Variants in OTOGL observed in about 807,000 individuals in gnomAD.
OTOGL encodes the protein otogelin-like protein.
A neutral mutation model predicts 318.5 loss-of-function variants in OTOGL; 285 were observed. The observed-to-expected ratio is 0.89, with a 90% CI of 0.81 to 0.99. The LOEUF (loss-of-function observed/expected upper bound fraction) is 0.99, where lower values mean the gene tolerates loss of function less well. OTOGL is among the 50% of genes least tolerant of loss of function. The pLI, the probability that OTOGL is intolerant of heterozygous loss-of-function variation, is 0.00. For synonymous variants in OTOGL, 987 were observed against 936.5 expected, an observed-to-expected ratio of 1.05 and a Z score of -0.99; for missense variants, 2,899 against 2,845.6, an observed-to-expected ratio of 1.02 and a Z score of -0.43.
intron 1 of OTOGL, among the ~76,000 whole-genome samples, chr12:80,124,513 T>C (rs1469446881): frequency 1.3e-5 from 2 of 152,088 alleles, no homozygotes; most frequent in Non-Finnish European, 2.9e-5. Context: ...ATTGACTTGG[T>C]GATGTGGGCT....
chr12:80,208,374 A>G, intron 1 of OTOGL: 1 of 381,784 alleles, frequency 2.6e-6, no homozygotes, highest in South Asian at 2.0e-5. Flanking sequence ...TCTGGGTACA[A>G]CAGGATATTA....
intron 1 of OTOGL, among the ~76,000 whole-genome samples, chr12:80,164,752 C>G (rs542112326): frequency 6.6e-6 from 1 of 152,218 alleles, no homozygotes; most frequent in South Asian, 2.1e-4. Flanking sequence ...ATGGCAGCGT[C>G]TTTGATCTGT....
At chr12:80,187,985 C>G (rs575158226) in intron 1 of OTOGL, among the ~76,000 whole-genome samples, 4 of 152,270 alleles carry the variant, frequency 2.6e-5, no homozygotes, top group Non-Finnish European at 5.9e-5. Flanking sequence ...CTGCCATGTG[C>G]TCTAAATTGG....
chr12:80,354,194 C>A (rs1287758841), intron 46 of OTOGL, among the ~76,000 whole-genome samples: 1 of 152,132 alleles, frequency 6.6e-6, no homozygotes, highest in Non-Finnish European at 1.5e-5. Context: ...TGGAATCTTT[C>A]CCTAAAGTAC....
intron 1 of OTOGL, among the ~76,000 whole-genome samples, chr12:80,160,846 A>G (rs151070098): frequency 1.9e-3 from 293 of 152,200 alleles, no homozygotes; most frequent in Admixed American, 3.9e-3. Context: ...ATGCCCATCA[A>G]TCAACTAGTG....
At chr12:80,103,647 G>A (rs1869278663) in intron 1 of OTOGL, among the ~76,000 whole-genome samples, 1 of 152,206 alleles carries the variant, frequency 6.6e-6, no homozygotes. Flanking sequence ...TGTCACTGCT[G>A]TATACGTACC....
intron 29 of OTOGL, among the ~76,000 whole-genome samples, chr12:80,308,905 G>T (rs925307606): frequency 6.6e-6 from 1 of 152,086 alleles, no homozygotes; most frequent in Admixed American, 6.5e-5. Flanking sequence ...GCAGTGAGCC[G>T]AGATGGCAGC....
At chr12:80,204,559 G>T (rs891415011) in intron 1 of OTOGL, among the ~76,000 whole-genome samples, 5 of 152,174 alleles carry the variant, frequency 3.3e-5, no homozygotes, top group South Asian at 2.1e-4. Flanking sequence ...AAGTAAGAAA[G>T]AAAATATATA....
Position 80,264,992 on chromosome 12 carries a change from CTTTG to C in OTOGL, c.2015-6_2015-3del. The stretch of plus-strand genomic sequence containing the variant: ...TGTTAAATAAGATGCTAATTGGGCT[CTTTG>C]TTAGTTGGGTATGCAGCACACTGTG... On this transcript the variant is annotated splice_polypyrimidine_tract_variant and splice_region_variant and intron_variant, in intron 19 of 58. Transcript: ENST00000547103. The C allele has an allele frequency of 6.2e-7, 1 of 1,613,406 alleles. No homozygotes were observed. Among genetic ancestry groups the C allele is most frequent in the Non-Finnish European group, 8.5e-7 (1 of 1,179,494 alleles).
chr12:80,326,093 T>C (rs1397187738), intron 35 of OTOGL, among the ~76,000 whole-genome samples: 1 of 152,174 alleles, frequency 6.6e-6, no homozygotes, highest in African/African-American at 2.4e-5. Context: ...TGGCTAATTA[T>C]TGCTCCTTAT....
intron 11 of OTOGL, among the ~76,000 whole-genome samples, chr12:80,243,997 CCTT>C (rs919626566): frequency 2.0e-5 from 3 of 150,852 alleles, no homozygotes; most frequent in African/African-American, 7.3e-5. Flanking sequence ...AGAAATCCTC[CCTT>C]CTTCATCATG....
At chr12:80,217,085 G>A (rs1210874594) in intron 4 of OTOGL, among the ~76,000 whole-genome samples, 1 of 152,198 alleles carries the variant, frequency 6.6e-6, no homozygotes, top group Admixed American at 6.5e-5. Context: ...TTTCTTTACC[G>A]ATTGGTGTGC....
At chr12:80,218,489 G>A (rs1019912986) in intron 5 of OTOGL, among the ~76,000 whole-genome samples, 3 of 152,160 alleles carry the variant, frequency 2.0e-5, no homozygotes, top group Non-Finnish European at 4.4e-5. Context: ...GAATTAAGAT[G>A]TTCTGTGGTT....
chr12:80,301,633 A>T (rs549900217), intron 27 of OTOGL, among the ~76,000 whole-genome samples: 1 of 152,136 alleles, frequency 6.6e-6, no homozygotes, highest in African/African-American at 2.4e-5. Flanking sequence ...CCCAAACCCT[A>T]TACCTTGCTG....
chr12:80,313,050 C>G (rs1886737578), intron 30 of OTOGL, among the ~76,000 whole-genome samples: 1 of 152,006 alleles, frequency 6.6e-6, no homozygotes, highest in South Asian at 2.1e-4. Context: ...TTAAAGATTG[C>G]TATTACCATT....
rs1369339887 is a variant in OTOGL, at chr12:80,232,998, G to A, written c.718G>A (p.Gly240Arg). The part of the protein sequence containing the change: ...GFSLAWDGIS[G>R]IYLKLSEDHK... ...TTCATTGGCTTGGGACGGGATATCT[G>A]GGATCTACCTCAAGCTGTCTGAGGA... Residue 240 changes from glycine to arginine, a missense_variant, in exon 9 of 59, where the codon GGG becomes AGG. Physicochemically the swap from Gly to Arg is moderately radical, Grantham distance 125 (BLOSUM62 -2). Coordinates refer to ENST00000547103, the MANE Select transcript of OTOGL (RefSeq NM_001378609.3). The A allele has an allele frequency of 6.3e-7, 1 of 1,598,588 alleles. No homozygotes were observed. Among genetic ancestry groups the A allele is most frequent in the Non-Finnish European group, 8.5e-7 (1 of 1,179,026 alleles).
chr12:80,320,703 A>G lies in OTOGL; in HGVS notation c.4081+3A>G, dbSNP rs545109575. On this transcript the variant is annotated splice_donor_region_variant and intron_variant, in intron 34 of 58. Transcript: ENST00000547103. ...TTCAAGTAGCTTCAGCATAGAAGGT[A>G]TGTTTCCTGAGATCTCCAAAAAGAG... 19 of 1,587,778 alleles carry G rather than the reference A, an allele frequency of 1.2e-5. No homozygotes were observed. In the Admixed American group the frequency reaches 1.4e-4, roughly 12 times the overall value.
At chr12:80,129,453 A>G (rs995003352) in intron 1 of OTOGL, among the ~76,000 whole-genome samples, 2 of 152,224 alleles carry the variant, frequency 1.3e-5, no homozygotes, top group African/African-American at 4.8e-5. Context: ...GTGTTAACAG[A>G]AGGAAATTGT....
At chr12:80,328,158 A>C (rs969361152) in intron 35 of OTOGL, among the ~76,000 whole-genome samples, 9 of 151,774 alleles carry the variant, frequency 5.9e-5, no homozygotes, top group African/African-American at 2.2e-4. Context: ...CTCTACAAAA[A>C]AATAGAAAAA....
Sources: allele counts gnomAD v4.1 joint callset (sites outside exome capture counted in the v4.1 genomes callset), GRCh38; gene constraint gnomAD v4.1.1; transcripts MANE v1.5; gene names NCBI Gene and HGNC (gene_info 2026-07-23, HGNC 2026-07-21).